Variants in LRP2 observed in about 807,000 individuals in gnomAD.
LRP2 encodes low-density lipoprotein receptor-related protein 2.
LRP2 carries 172 observed loss-of-function variants against 531.0 expected under a neutral mutation model. The observed-to-expected ratio is 0.32, with a 90% CI of 0.29 to 0.37. The LOEUF is 0.37. Among genes scored for constraint, LRP2 ranks in the 10% least tolerant of loss-of-function variants. The pLI, the probability that LRP2 is intolerant of heterozygous loss-of-function variation, is 1.00. For synonymous variants in LRP2, 1,992 were observed against 2,027.6 expected (o/e 0.98, Z 0.47); for missense variants, 5,167 against 5,868.3 (o/e 0.88, Z 3.90).
chr2:169,220,301 C>T (rs1049603702), intron 34 of LRP2, among the ~76,000 whole-genome samples, 153 bp downstream of exon 34: 1 of 152,152 alleles, frequency 6.6e-6, no homozygotes, highest in Non-Finnish European at 1.5e-5. Flanking sequence ...TAGGTCAGAG[C>T]TATTTCTCTT....
chr2:169,167,837 G>C (rs1274079355), intron 61 of LRP2, among the ~76,000 whole-genome samples: 1 of 150,986 alleles, frequency 6.6e-6, no homozygotes, highest in Non-Finnish European at 1.5e-5. Flanking sequence ...CTCAACCAGG[G>C]GACTAAACTA....
chr2:169,213,517 T>G, intron 36 of LRP2, 140 bp downstream of exon 36: 1 of 792,368 alleles, frequency 1.3e-6, no homozygotes, highest in Non-Finnish European at 2.2e-6. Context: ...TCATTATCAT[T>G]TTTTAAATAT....
chr2:169,324,256 C>T (rs889829475), intron 1 of LRP2, among the ~76,000 whole-genome samples: 1 of 152,172 alleles, frequency 6.6e-6, no homozygotes, highest in Non-Finnish European at 1.5e-5. Context: ...AATCTGACAG[C>T]TCTGATTCCA....
chr2:169,206,640 C>A lies in LRP2; in HGVS notation c.7080G>T (p.Leu2360=). Residue 2360 remains leucine (L), a synonymous_variant, in exon 39 of 79, where the codon CTG becomes CTT. Coordinates refer to ENST00000649046, the MANE Select transcript of LRP2 (RefSeq NM_004525.3). ...NGGCSHLCFA[L]PGLHTPKCDC... is the part of the protein sequence containing the mutation. ...CACATTTTGGGGTGTGCAATCCAGG[C>A]AGAGCAAAGCAGAGATGAGAGCACC... The A allele has an allele frequency of 6.2e-7, 1 of 1,614,114 alleles. No homozygotes were observed. Among genetic ancestry groups the A allele is most frequent in the South Asian group, 1.1e-5 (1 of 91,082 alleles).
chr2:169,211,942 T>C, intron 37 of LRP2, 26 bp downstream of exon 37: 1 of 1,613,624 alleles, frequency 6.2e-7, no homozygotes, highest in Non-Finnish European at 8.5e-7. Flanking sequence ...TGAAGTCAAA[T>C]CTTACTTATA....
At chr2:169,191,186 G>C (rs887094466) in intron 48 of LRP2, among the ~76,000 whole-genome samples, 1 of 152,220 alleles carries the variant, frequency 6.6e-6, no homozygotes, top group African/African-American at 2.4e-5. Flanking sequence ...CAGCCCTTCT[G>C]CATGATATTG....
intron 1 of LRP2, among the ~76,000 whole-genome samples, chr2:169,345,964 G>T (rs561566205): frequency 1.6e-4 from 24 of 152,292 alleles, no homozygotes; most frequent in African/African-American, 5.3e-4. Context: ...AGGTCACTGT[G>T]ACAAGTCACA....
Position 169,220,458 on chromosome 2 carries a change from G to C in LRP2, c.5644C>G (p.Arg1882Gly), listed in dbSNP as rs1181876229. 2 of 1,611,604 alleles carry C rather than the reference G, an allele frequency of 1.2e-6. No homozygotes were observed. Among genetic ancestry groups the C allele is most frequent in the South Asian group, 1.1e-5 (1 of 91,014 alleles). Residue 1882 changes from arginine (R) to glycine (G), a missense_variant, in exon 34 of 79, where the codon CGT (arginine) becomes GGT (glycine). Arg to Gly is a moderately radical substitution (Grantham distance 125). Transcript: ENST00000649046. ...FPIGITVDPARGKLYWSDQGT... is the reference protein window; with the variant it reads ...FPIGITVDPAGGKLYWSDQGT... Reference sequence around the variant, plus strand: ...GTGCCATTTATGAATACTCACCCACGAGCAGGATCAACAGTTATGCCAATT... The same window carrying C: ...GTGCCATTTATGAATACTCACCCACCAGCAGGATCAACAGTTATGCCAATT...
chr2:169,267,911 T>G (rs924147954), intron 16 of LRP2, among the ~76,000 whole-genome samples: 3 of 152,084 alleles, frequency 2.0e-5, no homozygotes, highest in African/African-American at 7.2e-5. Flanking sequence ...CAATAAAAAA[T>G]GATAAAGGGG....
chr2:169,156,260 T>C lies in LRP2; in HGVS notation c.12151+14A>G, dbSNP rs781377298. 8 of 1,613,382 alleles carry C rather than the reference T, an allele frequency of 5.0e-6. No individual in the cohort carries two copies. The highest frequency in any genetic ancestry group is 1.1e-5 in the South Asian group (1 of 91,082). On this transcript the variant is annotated intron_variant, in intron 65 of 78. Transcript: ENST00000649046. ...CCCCAAAAGTCAATTAATCCCAACA[T>C]GAACCCATCATACCCTCAGCTGCAC... is the stretch of plus-strand genomic sequence containing the variant.
intron 4 of LRP2, among the ~76,000 whole-genome samples, chr2:169,303,381 C>T (rs58208595): frequency 0.028 from 4,261 of 152,274 alleles, 109 homozygotes; most frequent in East Asian, 0.11. Flanking sequence ...ATAATCTTTA[C>T]AATCTCTGTA....
At chr2:169,282,764 C>T (rs1683740678) in intron 10 of LRP2, 109 bp downstream of exon 10, 1 of 1,226,490 alleles carries the variant, frequency 8.2e-7, no homozygotes, top group South Asian at 1.2e-5. Flanking sequence ...AATGATAAAG[C>T]CCTGCCAACA....
chr2:169,307,959 C>G (rs566501246), intron 3 of LRP2, among the ~76,000 whole-genome samples: 30 of 152,276 alleles, frequency 2.0e-4, no homozygotes, highest in African/African-American at 5.8e-4. Flanking sequence ...AGGGCATCAG[C>G]AGTTCATGAA....
At chr2:169,182,612 G>C in intron 50 of LRP2, 2 of 985,394 alleles carry the variant, frequency 2.0e-6, no homozygotes, top group Non-Finnish European at 2.4e-6. Context: ...GCAGCATAAG[G>C]CACCCTCTCC....
At chr2:169,187,807 T>C (rs1332109167) in intron 49 of LRP2, among the ~76,000 whole-genome samples, 163 bp downstream of exon 49, 5 of 152,244 alleles carry the variant, frequency 3.3e-5, no homozygotes, top group Non-Finnish European at 7.3e-5. Context: ...TGTCCCCATC[T>C]TATATACCAA....
intron 1 of LRP2, among the ~76,000 whole-genome samples, chr2:169,338,937 C>T (rs147126656): frequency 1.2e-4 from 18 of 152,218 alleles, no homozygotes; most frequent in East Asian, 5.8e-4. Context: ...CATCTAAAAA[C>T]GGAGATAATA....
chr2:169,269,403 G>C (rs938981086), intron 16 of LRP2, among the ~76,000 whole-genome samples: 15 of 152,282 alleles, frequency 9.9e-5, no homozygotes, highest in East Asian at 1.9e-4. Flanking sequence ...TACCAAAACA[G>C]AGATATAGAC....
At chr2:169,290,264 CTTTTTTTTTTTTTTT>C (rs11463198) in intron 8 of LRP2, among the ~76,000 whole-genome samples, 3 of 56,932 alleles carry the variant, frequency 5.3e-5, no homozygotes, top group African/African-American at 1.5e-4. Context: ...GAACCAGAAG[CTTTTTTTTTTTTTTT>C]TTTTTTTTTT....
intron 74 of LRP2, among the ~76,000 whole-genome samples, chr2:169,138,942 C>T (rs993726948): frequency 2.0e-5 from 3 of 152,170 alleles, no homozygotes; most frequent in Non-Finnish European, 4.4e-5. Context: ...AAGAGTCCAG[C>T]ACATAGAAGG....
Sources: allele counts gnomAD v4.1 joint callset (sites outside exome capture counted in the v4.1 genomes callset), GRCh38; gene constraint gnomAD v4.1.1; transcripts MANE v1.5; gene names NCBI Gene and HGNC (gene_info 2026-07-23, HGNC 2026-07-21).